RAB40C: variants seen among roughly 807,000 people sequenced by gnomAD.
RAB40C encodes the protein ras-related protein Rab-40C.
A neutral mutation model predicts 28.1 loss-of-function variants in RAB40C; 8 were observed. That is an observed-to-expected ratio of 0.28 (90% CI 0.17 to 0.51). The LOEUF is 0.51. Among genes scored for constraint, RAB40C ranks in the 20% least tolerant of loss-of-function variants. The pLI is 0.97. For synonymous variants in RAB40C, 201 were observed against 171.7 expected (o/e 1.17, Z -1.34); for missense variants, 288 against 405.9 (o/e 0.71, Z 2.50).
At chr16:625,359 A>T in intron 3 of RAB40C, 73 bp from the exon 4 acceptor site, 2 of 1,572,954 alleles carry the variant, frequency 1.3e-6, no homozygotes, top group Admixed American at 3.4e-5. Context: ...AGGCCCCTGC[A>T]CCTGAGCGTC....
At position 610,225 on chromosome 16, in the gene RAB40C, C is replaced by G. The variant is rs1384146754; in HGVS notation, c.143-6983C>G. On this transcript the variant is annotated intron_variant, in intron 1 of 5. Coordinates refer to ENST00000248139, the MANE Select transcript of RAB40C (RefSeq NM_021168.5). This position sits in a 1 kb window ranked among gnomAD's most constrained non-coding sequence, Gnocchi z 4.6. ...GTTCTGACCTCCCTGCCTCTGTCCC[C>G]TGAGGTCAGAGCGCCTGTCCTGTGG... 6.6e-6 allele frequency among the ~76,000 whole-genome samples: 1 copy of G among 152,150 alleles called. No homozygotes were observed. The highest frequency in any genetic ancestry group is 1.5e-5 in the Non-Finnish European group (1 of 68,024).
chr16:624,891 A>G (rs901745549), intron 3 of RAB40C: 6 of 1,264,310 alleles, frequency 4.7e-6, no homozygotes, highest in African/African-American at 4.6e-5. Context: ...GCTCCAAGTA[A>G]TTGGTCTCTA....
intron 1 of RAB40C, among the ~76,000 whole-genome samples, chr16:605,668 G>A (rs1000345326): frequency 1.3e-5 from 2 of 152,212 alleles, no homozygotes; most frequent in African/African-American, 2.4e-5. Flanking sequence ...TCTCCCGTGT[G>A]TCAAGGCTGC....
chr16:623,200 C>A lies in RAB40C; in HGVS notation c.265-2232C>A, dbSNP rs9932507. 5.3e-3 allele frequency among the ~76,000 whole-genome samples: 805 copies of A among 152,356 alleles called. 8 individuals carry two copies. The highest frequency in any genetic ancestry group is 0.018 in the African/African-American group (746 of 41,584). On this transcript the variant is annotated intron_variant, in intron 3 of 5. Transcript: ENST00000248139. Reference sequence around the variant, plus strand: ...AGCCGGGAGGCGGGCCTTCTGCTCTCTTTCTAGAGTTTTCAGTGTCATGCG... The same window carrying A: ...AGCCGGGAGGCGGGCCTTCTGCTCTATTTCTAGAGTTTTCAGTGTCATGCG...
chr16:617,095 C>A, intron 1 of RAB40C, 113 bp from the exon 2 acceptor site: 1 of 1,111,176 alleles, frequency 9.0e-7, no homozygotes, highest in Non-Finnish European at 1.4e-6. Context: ...GGGGGAGCTG[C>A]TTCTCCACTT....
chr16:593,825 C>T (rs1434702611), intron 1 of RAB40C, among the ~76,000 whole-genome samples: 1 of 152,188 alleles, frequency 6.6e-6, no homozygotes, highest in Non-Finnish European at 1.5e-5. Flanking sequence ...CAGCAGTGAT[C>T]TTAGGGAGTG....
chr16:614,823 A>G (rs1323323358), intron 1 of RAB40C, among the ~76,000 whole-genome samples: 1 of 148,652 alleles, frequency 6.7e-6, no homozygotes, highest in Non-Finnish European at 1.5e-5. Context: ...GCCAAACTCT[A>G]CCTCGTCCCA....
intron 1 of RAB40C, among the ~76,000 whole-genome samples, chr16:603,446 C>A (rs1194889069): frequency 1.3e-5 from 2 of 152,124 alleles, no homozygotes; most frequent in Non-Finnish European, 2.9e-5. Context: ...GGAGCGCCGG[C>A]CCCGCACGTG....
intron 1 of RAB40C, among the ~76,000 whole-genome samples, chr16:613,523 G>A (rs1369743295): frequency 1.3e-5 from 2 of 152,258 alleles, no homozygotes; most frequent in Non-Finnish European, 2.9e-5. Flanking sequence ...GCTGCCAGTT[G>A]CCCTTTTCTG....
intron 3 of RAB40C, among the ~76,000 whole-genome samples, chr16:620,254 A>C (rs1029262451): frequency 6.6e-6 from 1 of 152,166 alleles, no homozygotes; most frequent in African/African-American, 2.4e-5. Context: ...TTAGCCGAGC[A>C]TGGTGGCGGG....
At chr16:607,369 G>A (rs1006245519) in intron 1 of RAB40C, among the ~76,000 whole-genome samples, 2 of 152,072 alleles carry the variant, frequency 1.3e-5, no homozygotes, top group African/African-American at 2.4e-5. Context: ...TGGGCATGGT[G>A]GTGGGTGCCT....
chr16:601,632 C>T (rs1228155574), intron 1 of RAB40C, among the ~76,000 whole-genome samples: 1 of 151,818 alleles, frequency 6.6e-6, no homozygotes, highest in East Asian at 1.9e-4. Flanking sequence ...GAATTGTTAT[C>T]CTAAAATTAC....
At chr16:594,026 G>A (rs750504812) in intron 1 of RAB40C, among the ~76,000 whole-genome samples, 8 of 152,120 alleles carry the variant, frequency 5.3e-5, no homozygotes, top group African/African-American at 1.4e-4. Flanking sequence ...TGGTGGGCCC[G>A]TGTTGGCCCC....
chr16:617,398 G>A, intron 2 of RAB40C, 130 bp downstream of exon 2: 3 of 1,079,968 alleles, frequency 2.8e-6, no homozygotes, highest in Non-Finnish European at 2.8e-6. Context: ...CACAGCCCCT[G>A]TTTAAACATA....
intron 1 of RAB40C, among the ~76,000 whole-genome samples, chr16:605,686 T>C (rs11248940): frequency 0.15 from 22,304 of 152,254 alleles, 2,055 homozygotes; most frequent in South Asian, 0.24. Flanking sequence ...TGCAGTGCAT[T>C]GGCTCCACTC....
chr16:617,185 C>T, intron 1 of RAB40C, 23 bp from the exon 2 acceptor site: 1 of 1,612,670 alleles, frequency 6.2e-7, no homozygotes, highest in East Asian at 2.2e-5. Flanking sequence ...CGCGTCCCCT[C>T]AGCGCCCTGT....
At chr16:595,625 C>T (rs1387063242) in intron 1 of RAB40C, among the ~76,000 whole-genome samples, 9 of 140,304 alleles carry the variant, frequency 6.4e-5, no homozygotes, top group Non-Finnish European at 1.2e-4. Context: ...TTTTTTGAGA[C>T]GGAGTCTAAC....
intron 1 of RAB40C, among the ~76,000 whole-genome samples, chr16:615,409 G>A (rs1446395664): frequency 6.6e-6 from 1 of 152,156 alleles, no homozygotes; most frequent in African/African-American, 2.4e-5. Flanking sequence ...GCACTCCGTG[G>A]GAGGGCGTCG....
intron 1 of RAB40C, among the ~76,000 whole-genome samples, chr16:611,297 G>A (rs953441371): frequency 6.6e-6 from 1 of 152,188 alleles, no homozygotes; most frequent in East Asian, 1.9e-4. Flanking sequence ...GGGAGTCCCC[G>A]GGCCATCAGC....
Sources: gnomAD v4.1 joint callset for allele counts (sites outside exome capture counted in the v4.1 genomes callset) on GRCh38, gnomAD v4.1.1 for gene constraint, Gnocchi (gnomAD v3.1) non-coding constraint, MANE v1.5 for transcripts, NCBI Gene and HGNC (gene_info 2026-07-23, HGNC 2026-07-21) for gene names.